SAMD11: variants seen among roughly 807,000 people sequenced by gnomAD.
The protein encoded by SAMD11 is sterile alpha motif domain-containing protein 11.
A neutral mutation model predicts 64.4 loss-of-function variants in SAMD11; 77 were observed. The ratio of observed to expected loss-of-function variants is 1.20; its 90% CI spans 0.99 to 1.44. SAMD11 has a LOEUF of 1.44. SAMD11 is among the 40% of genes most tolerant of loss of function. SAMD11 has a pLI of 0.00. For synonymous variants in SAMD11, 658 were observed against 421.9 expected, an observed-to-expected ratio of 1.56 and a Z score of -6.86; for missense variants, 1,402 against 943.3, an observed-to-expected ratio of 1.49 and a Z score of -6.37.
intron 4 of SAMD11, among the ~76,000 whole-genome samples, chr1:933,743 G>GC (rs569897063): frequency 3.9e-4 from 60 of 152,080 alleles, no homozygotes; most frequent in African/African-American, 1.2e-3. Flanking sequence ...TATGTGCCTG[G>GC]GGGGGGCTTC....
In SAMD11 at chr1:944,458, C is replaced by G; in HGVS notation, c.*305C>G. ...CTGCTGACGTCAGGGTCAGCTCCCC[C>G]GCGGAGCTGACTTCAGCAGCCCACA... On this transcript the variant is annotated 3_prime_UTR_variant, in exon 14 of 14. Transcript: ENST00000616016. 2.4e-6 allele frequency: 2 copies of G among 828,880 alleles called. No individual in the cohort carries two copies. The highest frequency in any genetic ancestry group is 3.1e-5 in the East Asian group (1 of 32,472). 51.3% of individuals were successfully genotyped at this position (828,880 alleles called of 1,614,324 possible).
At chr1:930,471 T>C (rs1016066300) in intron 3 of SAMD11, 135 bp downstream of exon 3, 19 of 1,022,808 alleles carry the variant, frequency 1.9e-5, no homozygotes, top group Non-Finnish European at 2.5e-5. Context: ...TTTGGGGTCC[T>C]GTGTGGGTCG....
At chr1:938,782 G>T (rs1641593399) in intron 5 of SAMD11, among the ~76,000 whole-genome samples, 1 of 152,182 alleles carries the variant, frequency 6.6e-6, no homozygotes, top group South Asian at 2.1e-4. Flanking sequence ...GGGGCAGCTG[G>T]GTGCCTGCTG....
chr1:931,801 TAA>T (rs939706862), intron 4 of SAMD11, among the ~76,000 whole-genome samples: 1 of 152,026 alleles, frequency 6.6e-6, no homozygotes, highest in African/African-American at 2.4e-5. Flanking sequence ...GGAAAGGAGA[TAA>T]AAATGAAGAG....
intron 5 of SAMD11, among the ~76,000 whole-genome samples, chr1:936,686 G>A (rs1375932333): frequency 2.0e-5 from 3 of 152,136 alleles, no homozygotes; most frequent in African/African-American, 4.8e-5. Flanking sequence ...GGGAAGGAGG[G>A]GTGGGGGAGG....
Position 943,719 on chromosome 1 carries a change from G to A in SAMD11, c.2200G>A (p.Asp734Asn). Reference protein sequence around the residue: ...YTRVFREQGIDGETLPLLTEE... With the variant: ...YTRVFREQGINGETLPLLTEE... ...CCAGGTCTTCAGGGAGCAGGGGATCGACGGGGAGACCCTGCCACTGCTGAC... is the reference window on the plus strand; with the variant it reads ...CCAGGTCTTCAGGGAGCAGGGGATCAACGGGGAGACCCTGCCACTGCTGAC... Residue 734 changes from aspartate (D) to asparagine (N), a missense_variant, in exon 13 of 14, where the codon GAC (aspartate) becomes AAC (asparagine). Asp to Asn is a conservative substitution (Grantham distance 23, BLOSUM62 1). Coordinates refer to ENST00000616016, the MANE Select transcript of SAMD11 (RefSeq NM_001385641.1). 3.1e-6 allele frequency: 5 copies of A among 1,593,884 alleles called. No individual in the cohort carries two copies. The highest frequency in any genetic ancestry group is 4.3e-6 in the Non-Finnish European group (5 of 1,168,384).
chr1:942,381 CGA>C, intron 9 of SAMD11, 27 bp from the exon 10 acceptor site: 6 of 1,326,986 alleles, frequency 4.5e-6, no homozygotes, highest in Non-Finnish European at 5.0e-6. Flanking sequence ...TCGGACCCCC[CGA>C]CCCCGCGTTG....
At chr1:939,554 C>T (rs1254207016) in intron 7 of SAMD11, 142 bp downstream of exon 7, 3 of 1,496,568 alleles carry the variant, frequency 2.0e-6, no homozygotes, top group Non-Finnish European at 2.7e-6. Context: ...GACACCAAGG[C>T]CAGGCTGGAT....
intron 4 of SAMD11, among the ~76,000 whole-genome samples, chr1:931,711 C>T (rs1641177454): frequency 6.6e-6 from 1 of 152,228 alleles, no homozygotes; most frequent in South Asian, 2.1e-4. Context: ...GAGAAGGTCC[C>T]TCTGGAGGCC....
chr1:927,816 C>T (rs1557599806), intron 2 of SAMD11, among the ~76,000 whole-genome samples: 2 of 152,224 alleles, frequency 1.3e-5, no homozygotes, highest in African/African-American at 2.4e-5. Context: ...TGTGTTCTGT[C>T]CTTGGGCAGG....
At chr1:931,264 A>C (rs1641160401) in intron 4 of SAMD11, among the ~76,000 whole-genome samples, 175 bp downstream of exon 4, 2 of 151,466 alleles carry the variant, frequency 1.3e-5, no homozygotes, top group Non-Finnish European at 2.9e-5. Flanking sequence ...CCATCCCGGG[A>C]GGCAGACAGT....
chr1:941,668 C>G (rs986589680), intron 8 of SAMD11, among the ~76,000 whole-genome samples: 43 of 152,148 alleles, frequency 2.8e-4, no homozygotes, highest in African/African-American at 9.9e-4. Flanking sequence ...GGATCTGTTC[C>G]CGGCACAGAC....
At chr1:939,665 T>C (rs1641644283) in intron 7 of SAMD11, among the ~76,000 whole-genome samples, 1 of 151,986 alleles carries the variant, frequency 6.6e-6, no homozygotes, top group African/African-American at 2.4e-5. Context: ...ACATTTTATA[T>C]AGAGAGAAAT....
Position 943,891 on chromosome 1 carries a change from A to C in SAMD11, c.2290-17A>C. The C allele has an allele frequency of 6.2e-7, 1 of 1,612,966 alleles. No individual in the cohort carries two copies. The highest frequency in any genetic ancestry group is 8.5e-7 in the Non-Finnish European group (1 of 1,179,970). On this transcript the variant is annotated splice_polypyrimidine_tract_variant and intron_variant, in intron 13 of 13. Transcript: ENST00000616016. ...GGGTGGGTGTGCGACAGCCCCCACC[A>C]GGCCATCTCTCTGCAGGTGGCCAGG... is the stretch of plus-strand genomic sequence containing the variant.
rs751400883 is a variant in SAMD11, at chr1:930,306, A to G, written c.761A>G (p.Asp254Gly). The change falls in exon 3 of 14, where the codon GAT becomes GGT. Residue 254 changes from aspartate to glycine, a missense_variant. By Grantham distance (94) the Asp-to-Gly change is moderately conservative (BLOSUM62 -1). Transcript: ENST00000616016. ...CGRRPGLKQE[D>G]GPHIRIMKRR... ...CGGCGGCCAGGCTTGAAGCAGGAGG[A>G]TGGTCCGCACATCCGTATCATGAAG... 6.2e-7 allele frequency: 1 copy of G among 1,608,084 alleles called. No individual in the cohort carries two copies. Among genetic ancestry groups the G allele is most frequent in the Non-Finnish European group, 8.5e-7 (1 of 1,177,718 alleles).
intron 4 of SAMD11, among the ~76,000 whole-genome samples, chr1:932,753 C>T (rs1400248033): frequency 2.0e-5 from 3 of 152,378 alleles, no homozygotes; most frequent in Non-Finnish European, 4.4e-5. Flanking sequence ...CCATCCCCTT[C>T]GCCCTGTCTG....
chr1:941,873 A>AGG (rs946725126), intron 8 of SAMD11, among the ~76,000 whole-genome samples: 1 of 151,886 alleles, frequency 6.6e-6, no homozygotes, highest in African/African-American at 2.4e-5. Flanking sequence ...TCCGCAGGGG[A>AGG]GGGGAGCAGG....
intron 2 of SAMD11, 114 bp downstream of exon 2, chr1:926,127 T>G: frequency 2.0e-6 from 2 of 1,016,352 alleles, no homozygotes; most frequent in South Asian, 2.7e-5. Context: ...GCGGGTGTGC[T>G]GGAGGGAGCC....
At chr1:939,197 C>T (rs1569900793) in intron 6 of SAMD11, 68 bp downstream of exon 6, 1 of 1,551,552 alleles carries the variant, frequency 6.4e-7, no homozygotes, top group Non-Finnish European at 8.7e-7. Flanking sequence ...GTCCCCTGGA[C>T]CTCGAGCAGG....
Sources: gnomAD v4.1 joint callset for allele counts (sites outside exome capture counted in the v4.1 genomes callset) on GRCh38, gnomAD v4.1.1 for gene constraint, MANE v1.5 for transcripts, NCBI Gene and HGNC (gene_info 2026-07-23, HGNC 2026-07-21) for gene names.